Variants in DPYS observed in about 807,000 individuals in gnomAD.
DPYS encodes dihydropyrimidine amidohydrolase.
A neutral mutation model predicts 50.3 loss-of-function variants in DPYS; 39 were observed. That is an observed-to-expected ratio of 0.78 (90% CI 0.60 to 1.01). The LOEUF is 1.01. Among genes scored for constraint, DPYS ranks in the 50% least tolerant of loss-of-function variants. The probability of loss-of-function intolerance (pLI) is 0.00; values close to 1 mark genes in which losing one functional copy is unlikely to be tolerated. For missense variants in DPYS, 659 were observed against 680.9 expected, an observed-to-expected ratio of 0.97 and a Z score of 0.36; for synonymous variants, 245 against 250.7, an observed-to-expected ratio of 0.98 and a Z score of 0.22.
At chr8:104,388,267 G>A (rs914473207) in intron 8 of DPYS, among the ~76,000 whole-genome samples, 1 of 152,056 alleles carries the variant, frequency 6.6e-6, no homozygotes, top group African/African-American at 2.4e-5. Flanking sequence ...AAAAGCTTTG[G>A]CAGCAGTATT....
At chr8:104,427,062 A>G (rs182837081) in intron 6 of DPYS, among the ~76,000 whole-genome samples, 1 of 151,854 alleles carries the variant, frequency 6.6e-6, no homozygotes, top group African/African-American at 2.4e-5. Context: ...TTTGCCAGTC[A>G]TGGTGGTGCA....
intron 6 of DPYS, 136 bp from the exon 7 acceptor site, chr8:104,424,525 TG>T: frequency 3.3e-6 from 3 of 912,748 alleles, no homozygotes; most frequent in Non-Finnish European, 5.0e-6. Context: ...CTGAGGATGC[TG>T]GTAAGTATTA....
At chr8:104,406,950 C>T (rs1158545324) in intron 7 of DPYS, among the ~76,000 whole-genome samples, 5 of 152,182 alleles carry the variant, frequency 3.3e-5, no homozygotes, top group African/African-American at 7.2e-5. Context: ...CTTCCAAAAG[C>T]ATTCACCCTT....
chr8:104,456,341 A>G (rs1813926007), intron 1 of DPYS, among the ~76,000 whole-genome samples: 1 of 152,226 alleles, frequency 6.6e-6, no homozygotes, highest in Non-Finnish European at 1.5e-5. Context: ...TCTTCTTACC[A>G]GACTGAAGAT....
At chr8:104,415,241 A>C (rs1339226755) in intron 7 of DPYS, among the ~76,000 whole-genome samples, 2 of 152,246 alleles carry the variant, frequency 1.3e-5, no homozygotes, top group African/African-American at 4.8e-5. Flanking sequence ...AGAAAAATAC[A>C]GCAGGTGCTT....
At chr8:104,385,944 G>A (rs1004967245) in intron 8 of DPYS, among the ~76,000 whole-genome samples, 1 of 152,146 alleles carries the variant, frequency 6.6e-6, no homozygotes, top group Non-Finnish European at 1.5e-5. Flanking sequence ...ACCAGCCTCA[G>A]ATATTCTGTT....
At position 104,379,844 on chromosome 8, in the gene DPYS, C is replaced by A. The variant is rs1052017849; in HGVS notation, c.*15-1G>T. On this transcript the variant is annotated splice_acceptor_variant, in intron 9 of 9. Transcript: ENST00000351513. LOFTEE classifies it low-confidence loss of function (3UTR_SPLICE). Reference sequence around the variant, plus strand: ...GCCTCCTTTCCTCTGATTTTTTTACCTTTGAAGAGAATGAAAGGAACTCAC... The same window carrying A: ...GCCTCCTTTCCTCTGATTTTTTTACATTTGAAGAGAATGAAAGGAACTCAC... The A allele has an allele frequency of 2.2e-6, 1 of 455,804 alleles. No individual in the cohort carries two copies. The highest frequency in any genetic ancestry group is 4.4e-6 in the Non-Finnish European group (1 of 226,802). 28.2% of individuals were successfully genotyped at this position (455,804 alleles called of 1,614,324 possible).
intron 8 of DPYS, among the ~76,000 whole-genome samples, chr8:104,385,405 C>G: frequency 6.6e-6 from 1 of 152,168 alleles, no homozygotes; most frequent in East Asian, 1.9e-4. Flanking sequence ...ACAACTTTCT[C>G]AAGGAATACT....
chr8:104,459,287 T>A (rs1038237800), intron 1 of DPYS, among the ~76,000 whole-genome samples: 40 of 152,318 alleles, frequency 2.6e-4, no homozygotes, highest in Non-Finnish European at 4.1e-4. Context: ...TGACCTCACA[T>A]GTTTACTAAA....
At chr8:104,391,148 A>C (rs1219468338) in intron 8 of DPYS, among the ~76,000 whole-genome samples, 1 of 152,204 alleles carries the variant, frequency 6.6e-6, no homozygotes, top group Non-Finnish European at 1.5e-5. Context: ...AAGCCTTAGG[A>C]AGTGTTTAAA....
At chr8:104,466,542 C>CAGCT (rs1179664836) in intron 1 of DPYS, 115 bp downstream of exon 1, 1 of 1,229,368 alleles carries the variant, frequency 8.1e-7, no homozygotes, top group Non-Finnish European at 1.1e-6. Context: ...CCCGCCCACC[C>CAGCT]AGCTCCTCGG....
chr8:104,422,245 A>G (rs1363326480), intron 7 of DPYS, among the ~76,000 whole-genome samples: 2 of 152,180 alleles, frequency 1.3e-5, no homozygotes, highest in East Asian at 3.9e-4. Context: ...AAGTATTTTC[A>G]TTTTTTCCCT....
intron 7 of DPYS, among the ~76,000 whole-genome samples, chr8:104,396,313 A>G (rs1012393286): frequency 6.6e-6 from 1 of 152,248 alleles, no homozygotes; most frequent in African/African-American, 2.4e-5. Context: ...TGAAGAAAGT[A>G]AAATGAATTA....
At chr8:104,448,456 T>A (rs1051984321) in intron 2 of DPYS, among the ~76,000 whole-genome samples, 5 of 152,062 alleles carry the variant, frequency 3.3e-5, no homozygotes, top group African/African-American at 1.2e-4. Context: ...GCGCCCAGCC[T>A]CAATAATTGC....
At chr8:104,466,027 T>C (rs746581509) in intron 1 of DPYS, among the ~76,000 whole-genome samples, 9 of 150,596 alleles carry the variant, frequency 6.0e-5, no homozygotes, top group Non-Finnish European at 1.3e-4. Context: ...CTTTCTCTTC[T>C]AAACCCTGGT....
At chr8:104,401,916 C>A (rs1466282754) in intron 7 of DPYS, among the ~76,000 whole-genome samples, 2 of 152,194 alleles carry the variant, frequency 1.3e-5, no homozygotes, top group East Asian at 1.9e-4. Context: ...CCGCCTCCTG[C>A]AGAAGAGAAA....
At chr8:104,442,569 G>A (rs898211722) in intron 4 of DPYS, among the ~76,000 whole-genome samples, 3 of 152,124 alleles carry the variant, frequency 2.0e-5, no homozygotes, top group Non-Finnish European at 4.4e-5. Flanking sequence ...TTTAAGGGGC[G>A]AAATTCTTTT....
At chr8:104,442,908 A>T (rs1464549450) in intron 4 of DPYS, among the ~76,000 whole-genome samples, 1 of 152,196 alleles carries the variant, frequency 6.6e-6, no homozygotes, top group Admixed American at 6.5e-5. Flanking sequence ...CAAAAAGTTT[A>T]AAAATTAGCT....
At chr8:104,454,982 C>A (rs1813874957) in intron 1 of DPYS, among the ~76,000 whole-genome samples, 1 of 152,174 alleles carries the variant, frequency 6.6e-6, no homozygotes, top group African/African-American at 2.4e-5. Flanking sequence ...AAGAGCTCCA[C>A]AGTAGGTACT....
Sources: gnomAD v4.1 joint callset for allele counts (sites outside exome capture counted in the v4.1 genomes callset) on GRCh38, gnomAD v4.1.1 for gene constraint, MANE v1.5 for transcripts, NCBI Gene and HGNC (gene_info 2026-07-23, HGNC 2026-07-21) for gene names.